The following HMCN2 variants were observed in gnomAD, a reference collection of about 807,000 sequenced individuals.
The protein encoded by HMCN2 is hemicentin-2.
A neutral mutation model predicts 377.5 loss-of-function variants in HMCN2; 325 were observed. The ratio of observed to expected loss-of-function variants is 0.86; its 90% CI spans 0.79 to 0.94. The LOEUF (loss-of-function observed/expected upper bound fraction) is 0.94, where lower values mean the gene tolerates loss of function less well. HMCN2 is among the 40% of genes least tolerant of loss of function. The pLI is 0.00. For missense variants in HMCN2, 4,543 were observed against 4,725.3 expected (o/e 0.96, Z 1.13); for synonymous variants, 2,007 against 2,046.8 (o/e 0.98, Z 0.53).
chr9:130,428,306 G>T lies in HMCN2; in HGVS notation c.14066-52G>T. ...AGGCCGGGCCAGGGTCAGGTGGCGA[G>T]GCACGCCTGGGGATCATGTTCACAC... On this transcript the variant is annotated intron_variant, in intron 92 of 97. Transcript: ENST00000683500. This position sits in a 1 kb window ranked among gnomAD's most constrained non-coding sequence, Gnocchi z 5.0. The T allele has an allele frequency of 6.8e-7, 1 of 1,477,284 alleles. No homozygotes were observed. 91.5% of individuals were successfully genotyped at this position (1,477,284 alleles called of 1,614,324 possible). A position where few individuals can be genotyped will look rare whatever the true frequency, so the allele number is the denominator to read the frequency against.
At chr9:130,281,039 G>T (rs1047932348) in intron 1 of HMCN2, among the ~76,000 whole-genome samples, 23 of 151,578 alleles carry the variant, frequency 1.5e-4, no homozygotes, top group African/African-American at 5.6e-4. Context: ...GGAGGCAGAG[G>T]TTGCAGTGAG....
Position 130,399,557 on chromosome 9 carries a change from G to A in HMCN2, c.11530G>A (p.Asp3844Asn). 7.8e-7 allele frequency: 1 copy of A among 1,289,694 alleles called. No homozygotes were observed. Among genetic ancestry groups the A allele is most frequent in the Non-Finnish European group, 1.0e-6 (1 of 988,760 alleles). The allele number at this position is 1,289,694 out of a possible 1,614,324, so 79.9% of individuals were successfully genotyped here. A position where few individuals can be genotyped will look rare whatever the true frequency, so the allele number is the denominator to read the frequency against. ...GCTCCTCACGGCCCCCGGCCCCCAG[G>A]ACTCAGCCCAGTTTGAATGCGTGGT... ...ALLLTAPGPQDSAQFECVVSN... is the reference protein window; with the variant it reads ...ALLLTAPGPQNSAQFECVVSN... The change falls in exon 76 of 98, where the codon GAC (aspartate) becomes AAC (asparagine). Residue 3844 changes from aspartate to asparagine, a missense_variant. Asp to Asn is a conservative substitution (Grantham distance 23, BLOSUM62 1). Transcript: ENST00000683500.
chr9:130,317,971 TGTG>T (rs1373410018), intron 15 of HMCN2, among the ~76,000 whole-genome samples: 2 of 151,800 alleles, frequency 1.3e-5, no homozygotes, highest in African/African-American at 4.8e-5. Flanking sequence ...GGTAGGCTGT[TGTG>T]GTGTTCTGCT....
At chr9:130,349,888 CTTTTTTTTT>C (rs760662723) in intron 29 of HMCN2, among the ~76,000 whole-genome samples, 11 of 91,310 alleles carry the variant, frequency 1.2e-4, no homozygotes, top group Middle Eastern at 7.5e-3. Flanking sequence ...TTAGCCTTTC[CTTTTTTTTT>C]TTTTTTTTTT....
chr9:130,370,596 G>C (rs914982), intron 45 of HMCN2, among the ~76,000 whole-genome samples: 119,027 of 152,060 alleles, frequency 0.78, 49,914 homozygotes, highest in Non-Finnish European at 0.93. Flanking sequence ...GCTTCCACAC[G>C]TGGATTTGGG....
chr9:130,393,882 C>T lies in HMCN2; in HGVS notation c.10375C>T (p.Gln3459Ter). 1 of 1,289,650 alleles carries T rather than the reference C, an allele frequency of 7.8e-7. No homozygotes were observed. The highest frequency in any genetic ancestry group is 1.0e-6 in the Non-Finnish European group (1 of 988,802). The allele number at this position is 1,289,650 out of a possible 1,614,324, so 79.9% of individuals were successfully genotyped here. ...GAAGGATGGGGAACCCTTGTTGTCC[C>T]AGAGCCTCGAGCAGGGGCCCAGCCT... is the stretch of plus-strand genomic sequence containing the variant. Reference protein sequence around the residue: ...WMKDGEPLLSQSLEQGPSLQL... With the variant: ...WMKDGEPLLS Residue 3459 changes from glutamine to a stop codon, truncating the protein, a stop_gained, in exon 68 of 98, where the codon CAG (glutamine) becomes TAG (stop). Coordinates refer to ENST00000683500, the MANE Select transcript of HMCN2 (RefSeq NM_001291815.2). LOFTEE classifies it high-confidence loss of function. The surrounding 1 kb of genome is among the most constrained non-coding windows in gnomAD (Gnocchi z 5.2).
chr9:130,373,976 T>C (rs1246304675), intron 48 of HMCN2, among the ~76,000 whole-genome samples: 1 of 147,298 alleles, frequency 6.8e-6, no homozygotes, highest in South Asian at 2.2e-4. Context: ...GGTTGGGTGG[T>C]TGGGTGGGTG....
chr9:130,398,153 C>CAAAAA lies in HMCN2; in HGVS notation c.11327-377_11327-373dup, dbSNP rs397940740. Among the ~76,000 whole-genome samples the CAAAAA allele has an allele frequency of 3.9e-3, 133 of 33,826 alleles. 4 individuals carry two copies. The highest frequency in any genetic ancestry group is 0.042 in the Middle Eastern group (1 of 24). The allele number at this position is 33,826 out of a possible 152,430, so 22.2% of individuals were successfully genotyped here. On this transcript the variant is annotated intron_variant, in intron 74 of 97. Transcript: ENST00000683500. ...GGGTGACAGAGTAAGACTCCGTCTA[C>CAAAAA]AAAAAAAAAAAAAAAAAAAAAAAAA...
Position 130,373,095 on chromosome 9 carries a change from A to T in HMCN2, c.7409A>T (p.Gln2470Leu). 1.0e-6 allele frequency: 1 copy of T among 982,788 alleles called. No individual in the cohort carries two copies. The highest frequency in any genetic ancestry group is 1.8e-5 in the African/African-American group (1 of 56,788). The allele number at this position is 982,788 out of a possible 1,614,324, so 60.9% of individuals were successfully genotyped here. Residue 2470 changes from glutamine (Q) to leucine (L), a missense_variant, in exon 48 of 98, where the codon CAG (glutamine) becomes CTG (leucine). Gln to Leu is a moderately radical substitution (Grantham distance 113). Around this residue, in one of 5 missense-constraint regions of HMCN2, gnomAD observed 1,032 missense variants for 1,285.1 expected, o/e 0.80. Coordinates refer to ENST00000683500, the MANE Select transcript of HMCN2 (RefSeq NM_001291815.2). ...LEEVIKVLDG[Q>L]TAHLMCNVTG... is the part of the protein sequence containing the mutation. ...GAGGTGATCAAGGTCCTTGATGGAC[A>T]GACTGCCCATCTTATGTGCAACGTC...
chr9:130,396,424 C>T (rs778594891), intron 73 of HMCN2, 111 bp downstream of exon 73: 34 of 887,420 alleles, frequency 3.8e-5, no homozygotes, highest in South Asian at 8.1e-5. Context: ...ATCATCAGGA[C>T]GTGGGGTGTC....
chr9:130,379,088 G>A (rs539943710), intron 53 of HMCN2, among the ~76,000 whole-genome samples, 161 bp from the exon 54 acceptor site: 3 of 152,216 alleles, frequency 2.0e-5, no homozygotes, highest in African/African-American at 2.4e-5. Flanking sequence ...AATAAACACC[G>A]GTTTAGGGAG....
At chr9:130,354,578 G>A (rs1839919055) in intron 31 of HMCN2, among the ~76,000 whole-genome samples, 185 bp from the exon 32 acceptor site, 1 of 152,162 alleles carries the variant, frequency 6.6e-6, no homozygotes, top group Non-Finnish European at 1.5e-5. Flanking sequence ...GCGCGCCCAG[G>A]GGCTGAGGAG....
intron 1 of HMCN2, among the ~76,000 whole-genome samples, chr9:130,284,386 G>C (rs1477749526): frequency 6.6e-6 from 1 of 152,150 alleles, no homozygotes; most frequent in Non-Finnish European, 1.5e-5. Context: ...CCTGGAGCTC[G>C]GGTCCTGCTT....
intron 96 of HMCN2, 97 bp downstream of exon 96, chr9:130,431,583 G>GCCC: frequency 1.4e-6 from 2 of 1,467,110 alleles, no homozygotes; most frequent in Non-Finnish European, 9.1e-7. Flanking sequence ...GTTCACTCCA[G>GCCC]CCCCTTCACA....
At chr9:130,280,317 C>T (rs1431978787) in intron 1 of HMCN2, among the ~76,000 whole-genome samples, 1 of 129,862 alleles carries the variant, frequency 7.7e-6, no homozygotes, top group Non-Finnish European at 1.6e-5. Context: ...TGCCTGCCAC[C>T]ATGCCCGGCT....
chr9:130,337,223 G>T (rs1838801148), intron 22 of HMCN2, among the ~76,000 whole-genome samples: 1 of 152,206 alleles, frequency 6.6e-6, no homozygotes, highest in Admixed American at 6.5e-5. Context: ...TGTGGGATGG[G>T]GGTGATGTGA....
chr9:130,331,977 C>G (rs1442286485), intron 22 of HMCN2, among the ~76,000 whole-genome samples: 1 of 152,212 alleles, frequency 6.6e-6, no homozygotes, highest in Non-Finnish European at 1.5e-5. Context: ...CACTGCAGGA[C>G]AGGCTGCCCA....
At chr9:130,353,666 A>G (rs1839853479) in intron 31 of HMCN2, among the ~76,000 whole-genome samples, 1 of 152,206 alleles carries the variant, frequency 6.6e-6, no homozygotes, top group Non-Finnish European at 1.5e-5. Flanking sequence ...TCTGGAGCAG[A>G]GAGGTTTCCC....
Position 130,433,941 on chromosome 9 carries a change from C to T in HMCN2, c.*248C>T, listed in dbSNP as rs1011893094. ...GTCCCGCAGGCAGGGCCCGGGGAAG[C>T]CCGGATCAGACCTCCAGGTCTGATC... is the stretch of plus-strand genomic sequence containing the variant. On this transcript the variant is annotated 3_prime_UTR_variant, in exon 98 of 98. Transcript: ENST00000683500. 23 of 440,318 alleles carry T rather than the reference C, an allele frequency of 5.2e-5. 1 individual carries two copies. 27.3% of individuals were successfully genotyped at this position (440,318 alleles called of 1,614,324 possible).
Sources: gnomAD v4.1 joint callset for allele counts (sites outside exome capture counted in the v4.1 genomes callset) on GRCh38, gnomAD v4.1.1 for gene constraint, gnomAD v4.1.1 regional missense constraint, Gnocchi (gnomAD v3.1) non-coding constraint, MANE v1.5 for transcripts, NCBI Gene and HGNC (gene_info 2026-07-23, HGNC 2026-07-21) for gene names.